The following HCAR2 variants were observed in gnomAD, a reference collection of about 807,000 sequenced individuals.
HCAR2 encodes the protein hydroxycarboxylic acid receptor 2.
For missense variants in HCAR2, 346 were observed against 476.6 expected (o/e 0.73, Z 2.55); for synonymous variants, 156 against 189.4 (o/e 0.82, Z 1.45).
Position 122,701,760 on chromosome 12 carries a change from C to T in HCAR2, c.*432G>A, listed in dbSNP as rs1877077928. ...CTCCCTCCAGGAGCAACACAATTCC[C>T]TCCAATCTCAGCTCTCCTTATCCCT... is the stretch of plus-strand genomic sequence containing the variant. On this transcript the variant is annotated 3_prime_UTR_variant, in exon 1 of 1. Coordinates refer to ENST00000328880, the MANE Select transcript of HCAR2 (RefSeq NM_177551.4). 1 of 256,926 alleles carries T rather than the reference C, an allele frequency of 3.9e-6. No individual in the cohort carries two copies. Among genetic ancestry groups the T allele is most frequent in the African/African-American group, 2.2e-5 (1 of 45,076 alleles). 15.9% of individuals were successfully genotyped at this position (256,926 alleles called of 1,614,324 possible). A position where few individuals can be genotyped will look rare whatever the true frequency, so the allele number is the denominator to read the frequency against.
At position 122,702,558 on chromosome 12, in the gene HCAR2, G is replaced by A. The variant is rs1237195616; in HGVS notation, c.726C>T (p.Ile242=). 1.2e-6 allele frequency: 2 copies of A among 1,614,136 alleles called. No individual in the cohort carries two copies. The highest frequency in any genetic ancestry group is 4.5e-5 in the East Asian group (2 of 44,902). The change falls in exon 1 of 1, where the codon ATC becomes ATT. Residue 242 remains isoleucine, a synonymous_variant. Coordinates refer to ENST00000328880, the MANE Select transcript of HCAR2 (RefSeq NM_177551.4). ...GCACAACCACGCTGGGAAGGAAGCA[G>A]ATGACAAAGACGATGGCCACCACCA... The part of the protein sequence containing the change: ...FIMVVAIVFV[I]CFLPSVVVRI...
At position 122,701,426 on chromosome 12, in the gene HCAR2, C is replaced by G. The variant is rs1461005454; in HGVS notation, c.*766G>C. Reference sequence around the variant, plus strand: ...TTTCCCTTTTAATGTTAAAAGCAAACAGAGGTGGGAAACAGCTTTCTATCC... The same window carrying G: ...TTTCCCTTTTAATGTTAAAAGCAAAGAGAGGTGGGAAACAGCTTTCTATCC... On this transcript the variant is annotated 3_prime_UTR_variant, in exon 1 of 1. Coordinates refer to ENST00000328880, the MANE Select transcript of HCAR2 (RefSeq NM_177551.4). The G allele has an allele frequency of 1.4e-5, 2 of 145,436 alleles. No individual in the cohort carries two copies. The highest frequency in any genetic ancestry group is 3.0e-5 in the Non-Finnish European group (2 of 65,614). 9.0% of individuals were successfully genotyped at this position (145,436 alleles called of 1,614,324 possible). A position where few individuals can be genotyped will look rare whatever the true frequency, so the allele number is the denominator to read the frequency against.
rs579876 is a variant in HCAR2 at position 122,702,064 on chromosome 12, C to G, written c.*128G>C. ...CATCTGCCACCGTTTCCCTAAATCG[C>G]ATTCTCTGAATCTGGAAGTTCCAGG... On this transcript the variant is annotated 3_prime_UTR_variant, in exon 1 of 1. Transcript: ENST00000328880. 203,660 of 1,323,706 alleles carry G rather than the reference C, an allele frequency of 0.15. 20,216 individuals carry two copies. The highest frequency in any genetic ancestry group is 0.5 in the East Asian group (19,688 of 39,640). The allele number at this position is 1,323,706 out of a possible 1,614,324, so 82.0% of individuals were successfully genotyped here. A position where few individuals can be genotyped will look rare whatever the true frequency, so the allele number is the denominator to read the frequency against.
Position 122,703,073 on chromosome 12 carries a change from C to T in HCAR2, c.211G>A (p.Val71Met). ...CAGATGATCAGTAGAAAGTCAGCCA[C>T]TGCCAGGTTGAACAGGAAAATCCGG... ...SSRIFLFNLA[V>M]ADFLLIICLP... Residue 71 changes from valine (V) to methionine (M), a missense_variant, in exon 1 of 1, where the codon GTG (valine) becomes ATG (methionine). By Grantham distance (21) the Val-to-Met change is conservative. Transcript: ENST00000328880. 1 of 1,614,194 alleles carries T rather than the reference C, an allele frequency of 6.2e-7. No homozygotes were observed. The highest frequency in any genetic ancestry group is 2.2e-5 in the East Asian group (1 of 44,882).
rs1877103479 is a variant in HCAR2, at chr12:122,702,485, C to G, written c.799G>C (p.Glu267Gln). The change falls in exon 1 of 1, where the codon GAA becomes CAA. Residue 267 changes from glutamate (E) to glutamine (Q), a missense_variant. Physicochemically the swap from Glu to Gln is conservative, Grantham distance 29. Transcript: ENST00000328880. ...GCCAGGTCCACCGAGCGGTACACTTCACAATTCTGCGTGCCCGAAGTGTGC... is the reference window on the plus strand; with the variant it reads ...GCCAGGTCCACCGAGCGGTACACTTGACAATTCTGCGTGCCCGAAGTGTGC... The part of the protein sequence containing the change: ...LLHTSGTQNC[E>Q]VYRSVDLAFF... The G allele has an allele frequency of 1.2e-6, 2 of 1,614,028 alleles. No individual in the cohort carries two copies. Among genetic ancestry groups the G allele is most frequent in the African/African-American group, 2.7e-5 (2 of 74,940 alleles).
At position 122,702,770 on chromosome 12, in the gene HCAR2, C is replaced by T; in HGVS notation, c.514G>A (p.Gly172Ser). The part of the protein sequence containing the change: ...LLKKKMPIQN[G>S]GANLCSSFSI... Reference sequence around the variant, plus strand: ...AAGCTGCTGCACAAATTTGCACCGCCATTCTGGATCGGCATCTTCTTCTTC... The same window carrying T: ...AAGCTGCTGCACAAATTTGCACCGCTATTCTGGATCGGCATCTTCTTCTTC... Residue 172 changes from glycine (G) to serine (S), a missense_variant, in exon 1 of 1, where the codon GGC (glycine) becomes AGC (serine). Gly to Ser is a moderately conservative substitution (Grantham distance 56, BLOSUM62 0). Coordinates refer to ENST00000328880, the MANE Select transcript of HCAR2 (RefSeq NM_177551.4). 1 of 1,614,220 alleles carries T rather than the reference C, an allele frequency of 6.2e-7. No homozygotes were observed. The highest frequency in any genetic ancestry group is 8.5e-7 in the Non-Finnish European group (1 of 1,180,042).
Position 122,702,686 on chromosome 12 carries a change from G to C in HCAR2, c.598C>G (p.Pro200Ala). 6.2e-7 allele frequency: 1 copy of C among 1,614,222 alleles called. No homozygotes were observed. Among genetic ancestry groups the C allele is most frequent in the Non-Finnish European group, 8.5e-7 (1 of 1,180,038 alleles). Residue 200 changes from proline to alanine, a missense_variant, in exon 1 of 1, where the codon CCC (proline) becomes GCC (alanine). Transcript: ENST00000328880. ...GAGCAGAACAGGATGATGCCCAGGG[G>C]CAGGAAGAACTCCAGGAGGAACATG... ...EAMFLLEFFL[P>A]LGIILFCSAR...
chr12:122,703,259 G>A lies in HCAR2; in HGVS notation c.25C>T (p.His9Tyr). 6.2e-7 allele frequency: 1 copy of A among 1,614,088 alleles called. No homozygotes were observed. The highest frequency in any genetic ancestry group is 8.5e-7 in the Non-Finnish European group (1 of 1,180,006). ...TTCTTCTTGTCTATTTCCAGAAAGT[G>A]ATCCTGCAGATGGTGCCGATTCATG... MNRHHLQDHFLEIDKKNCC... is the reference protein window; with the variant it reads MNRHHLQDYFLEIDKKNCC... The change falls in exon 1 of 1, where the codon CAC becomes TAC. Residue 9 changes from histidine to tyrosine, a missense_variant. By Grantham distance (83) the His-to-Tyr change is moderately conservative (BLOSUM62 2). Transcript: ENST00000328880.
Position 122,703,016 on chromosome 12 carries a change from G to T in HCAR2, c.268C>A (p.Arg90Ser), listed in dbSNP as rs772644074. 6.2e-7 allele frequency: 1 copy of T among 1,614,046 alleles called. No individual in the cohort carries two copies. The highest frequency in any genetic ancestry group is 1.7e-5 in the Admixed American group (1 of 59,996). Residue 90 changes from arginine to serine, a missense_variant, in exon 1 of 1, where the codon CGT becomes AGT. By Grantham distance (110) the Arg-to-Ser change is moderately radical (BLOSUM62 -1). Transcript: ENST00000328880. ...ATGTCCCCAAACTTCCAGTCCCAACGCCTCACATAGTTGTCCATCAGGAAG... is the reference window on the plus strand; with the variant it reads ...ATGTCCCCAAACTTCCAGTCCCAACTCCTCACATAGTTGTCCATCAGGAAG... ...LPFLMDNYVRRWDWKFGDIPC... is the reference protein window; with the variant it reads ...LPFLMDNYVRSWDWKFGDIPC...
Position 122,702,659 on chromosome 12 carries a change from C to G in HCAR2, c.625G>C (p.Ala209Pro). 2 of 1,614,154 alleles carry G rather than the reference C, an allele frequency of 1.2e-6. No individual in the cohort carries two copies. The highest frequency in any genetic ancestry group is 1.7e-6 in the Non-Finnish European group (2 of 1,180,016). ...TGCCGCAGGCTCCAGATAATTCTGG[C>G]TGAGCAGAACAGGATGATGCCCAGG... ...LPLGIILFCSARIIWSLRQRQ... is the reference protein window; with the variant it reads ...LPLGIILFCSPRIIWSLRQRQ... The change falls in exon 1 of 1, where the codon GCC becomes CCC. Residue 209 changes from alanine (A) to proline (P), a missense_variant. Transcript: ENST00000328880.
In HCAR2 at chr12:122,703,199, C is replaced by T. The variant is rs1877136080; in HGVS notation, c.85G>A (p.Val29Met). Residue 29 changes from valine to methionine, a missense_variant, in exon 1 of 1, where the codon GTG (valine) becomes ATG (methionine). By Grantham distance (21) the Val-to-Met change is conservative (BLOSUM62 1). Coordinates refer to ENST00000328880, the MANE Select transcript of HCAR2 (RefSeq NM_177551.4). The part of the protein sequence containing the change: ...CVFRDDFIVK[V>M]LPPVLGLEFI... ...TCCAGCCCCAACACCGGCGGCAACA[C>T]CTTGACAATGAAGTCATCTCGGAAC... The T allele has an allele frequency of 6.2e-7, 1 of 1,614,144 alleles. No individual in the cohort carries two copies. Among genetic ancestry groups the T allele is most frequent in the South Asian group, 1.1e-5 (1 of 91,076 alleles).
chr12:122,702,717 G>A lies in HCAR2; in HGVS notation c.567C>T (p.His189=), dbSNP rs769808683. The A allele has an allele frequency of 1.4e-5, 23 of 1,614,062 alleles. No homozygotes were observed. The highest frequency in any genetic ancestry group is 1.5e-5 in the Non-Finnish European group (18 of 1,180,026). The change falls in exon 1 of 1, where the codon CAC becomes CAT. Residue 189 remains histidine, a synonymous_variant. Transcript: ENST00000328880. ...AGAACTCCAGGAGGAACATGGCTTC[G>A]TGCCACTGGAAGGTATGGCAGATGC... ...SFSICHTFQW[H]EAMFLLEFFL... is the part of the protein sequence containing the mutation.
Position 122,702,519 on chromosome 12 carries a change from G to A in HCAR2, c.765C>T (p.Phe255=), listed in dbSNP as rs957080877. Residue 255 remains phenylalanine (F), a synonymous_variant, in exon 1 of 1, where the codon TTC becomes TTT. Transcript: ENST00000328880. The part of the protein sequence containing the change: ...LPSVVVRIRI[F]WLLHTSGTQN... ...GCGTGCCCGAAGTGTGCAGGAGCCA[G>A]AAGATGCGGATCCGCACAACCACGC... The A allele has an allele frequency of 2.5e-6, 4 of 1,614,088 alleles. No individual in the cohort carries two copies. In the African/African-American group the frequency reaches 5.3e-5, roughly 22 times the overall value.
In HCAR2 at chr12:122,703,111, G is replaced by A; in HGVS notation, c.173C>T (p.Ser58Phe). Residue 58 changes from serine (S) to phenylalanine (F), a missense_variant, in exon 1 of 1, where the codon TCC (serine) becomes TTC (phenylalanine). By Grantham distance (155) the Ser-to-Phe change is radical (BLOSUM62 -2). Transcript: ENST00000328880. ...ALWIFCFHLK[S>F]WKSSRIFLFN... ...CAGGAAAATCCGGCTGGATTTCCAGGACTTGAGGTGGAAACAGAAAATCCA... is the reference window on the plus strand; with the variant it reads ...CAGGAAAATCCGGCTGGATTTCCAGAACTTGAGGTGGAAACAGAAAATCCA... The A allele has an allele frequency of 6.2e-7, 1 of 1,614,172 alleles. No individual in the cohort carries two copies. Among genetic ancestry groups the A allele is most frequent in the Non-Finnish European group, 8.5e-7 (1 of 1,180,020 alleles).
rs200716997 is a variant in HCAR2, at chr12:122,702,300, G to A, written c.984C>T (p.Ser328=). ...TGEPDNNRST[S]VELTGDPNKT... ...TGTTGGGGTCCCCTGTGAGCTCGAC[G>A]CTCGTGCTGCGGTTATTATCTGGCT... Residue 328 remains serine (S), a synonymous_variant, in exon 1 of 1, where the codon AGC becomes AGT. Transcript: ENST00000328880. The A allele has an allele frequency of 5.8e-5, 93 of 1,614,120 alleles. No individual in the cohort carries two copies. In the Admixed American group the frequency reaches 1.0e-3, roughly 18 times the overall value.
Position 122,703,044 on chromosome 12 carries a change from C to A in HCAR2, c.240G>T (p.Leu80=). 6.2e-7 allele frequency: 1 copy of A among 1,614,146 alleles called. No individual in the cohort carries two copies. Among genetic ancestry groups the A allele is most frequent in the Non-Finnish European group, 8.5e-7 (1 of 1,180,026 alleles). The change falls in exon 1 of 1, where the codon CTG becomes CTT. Residue 80 remains leucine (L), a synonymous_variant. Coordinates refer to ENST00000328880, the MANE Select transcript of HCAR2 (RefSeq NM_177551.4). ...AVADFLLIIC[L]PFLMDNYVRR... ...TCACATAGTTGTCCATCAGGAAGGG[C>A]AGGCAGATGATCAGTAGAAAGTCAG... is the stretch of plus-strand genomic sequence containing the variant.
In HCAR2 at chr12:122,702,849, G is replaced by A. The variant is rs750055800; in HGVS notation, c.435C>T (p.Ala145=). 1 of 1,614,042 alleles carries A rather than the reference G, an allele frequency of 6.2e-7. No homozygotes were observed. Among genetic ancestry groups the A allele is most frequent in the Non-Finnish European group, 8.5e-7 (1 of 1,180,030 alleles). The change falls in exon 1 of 1, where the codon GCC becomes GCT. Residue 145 remains alanine, a synonymous_variant. Transcript: ENST00000328880. ...ALNKISNRTA[A]IISCLLWGIT... Reference sequence around the variant, plus strand: ...TGCCCCACAGAAGGCAAGAGATGATGGCTGCTGTCCGATTGGAGATCTTGT... The same window carrying A: ...TGCCCCACAGAAGGCAAGAGATGATAGCTGCTGTCCGATTGGAGATCTTGT...
At position 122,702,735 on chromosome 12, in the gene HCAR2, G is replaced by C. The variant is rs199573054; in HGVS notation, c.549C>G (p.Cys183Trp). 6.2e-7 allele frequency: 1 copy of C among 1,614,162 alleles called. No homozygotes were observed. The highest frequency in any genetic ancestry group is 1.3e-5 in the African/African-American group (1 of 75,026). Residue 183 changes from cysteine to tryptophan, a missense_variant, in exon 1 of 1, where the codon TGC (cysteine) becomes TGG (tryptophan). Physicochemically the swap from Cys to Trp is radical, Grantham distance 215. Coordinates refer to ENST00000328880, the MANE Select transcript of HCAR2 (RefSeq NM_177551.4). ...GANLCSSFSI[C>W]HTFQWHEAMF... Reference sequence around the variant, plus strand: ...TGGCTTCGTGCCACTGGAAGGTATGGCAGATGCTGAAGCTGCTGCACAAAT... The same window carrying C: ...TGGCTTCGTGCCACTGGAAGGTATGCCAGATGCTGAAGCTGCTGCACAAAT...
Position 122,702,601 on chromosome 12 carries a change from C to G in HCAR2, c.683G>C (p.Arg228Thr). Residue 228 changes from arginine to threonine, a missense_variant, in exon 1 of 1, where the codon AGA (arginine) becomes ACA (threonine). Transcript: ENST00000328880. ...RQMDRHAKIKRAITFIMVVAI... is the reference protein window; with the variant it reads ...RQMDRHAKIKTAITFIMVVAI... ...CACCACCATGATGAAGGTGATGGCT[C>G]TCTTGATCTTGGCATGCCGGTCCAT... The G allele has an allele frequency of 6.2e-7, 1 of 1,614,188 alleles. No homozygotes were observed.
Sources: allele counts gnomAD v4.1 joint callset, GRCh38; gene constraint gnomAD v4.1.1; transcripts MANE v1.5; gene names NCBI Gene and HGNC (gene_info 2026-07-23, HGNC 2026-07-21).